Variants in DCLK2 observed in about 807,000 individuals in gnomAD.
DCLK2 encodes doublecortin like kinase 2.
Under a neutral mutation model 78.4 loss-of-function variants are expected in DCLK2, and 31 were observed. The observed-to-expected ratio is 0.40, with a 90% CI of 0.30 to 0.53. The LOEUF (loss-of-function observed/expected upper bound fraction) is 0.53. Among genes scored for constraint, DCLK2 ranks in the 20% least tolerant of loss-of-function variants. The pLI is 0.61. For missense variants in DCLK2, 872 were observed against 973.7 expected (o/e 0.90, Z 1.39); for synonymous variants, 407 against 374.9 (o/e 1.09, Z -0.99).
At chr4:150,206,455 A>G (rs1739848021) in intron 5 of DCLK2, among the ~76,000 whole-genome samples, 1 of 152,030 alleles carries the variant, frequency 6.6e-6, no homozygotes, top group East Asian at 1.9e-4. Flanking sequence ...AGTAAGACAA[A>G]GAACAGTTGT....
intron 1 of DCLK2, among the ~76,000 whole-genome samples, chr4:150,094,880 A>G (rs1196864413): frequency 6.6e-6 from 1 of 152,148 alleles, no homozygotes; most frequent in African/African-American, 2.4e-5. Flanking sequence ...TCATTTGTGA[A>G]ATCAAAACAC....
chr4:150,203,707 A>G (rs1739625776), intron 4 of DCLK2, 88 bp from the exon 5 acceptor site: 1 of 1,026,860 alleles, frequency 9.7e-7, no homozygotes, highest in African/African-American at 1.6e-5. Context: ...CATTGGACCT[A>G]TATTGTGCAT....
chr4:150,093,017 A>G (rs1186567440), intron 1 of DCLK2, among the ~76,000 whole-genome samples: 2 of 152,242 alleles, frequency 1.3e-5, no homozygotes, highest in African/African-American at 2.4e-5. Flanking sequence ...TGCAGAAGAC[A>G]TGATCTTATA....
chr4:150,192,478 C>G (rs866410891), intron 2 of DCLK2, among the ~76,000 whole-genome samples: 5 of 112,548 alleles, frequency 4.4e-5, no homozygotes, highest in Admixed American at 2.0e-4. Context: ...GATTGCGTCT[C>G]AAAAAAAAAA....
intron 2 of DCLK2, among the ~76,000 whole-genome samples, chr4:150,168,210 G>A (rs943598694): frequency 6.6e-6 from 1 of 152,124 alleles, no homozygotes; most frequent in African/African-American, 2.4e-5. Flanking sequence ...GGGCGTGGTG[G>A]CAGGCGCCTG....
chr4:150,252,295 T>C (rs1334652883), intron 15 of DCLK2, among the ~76,000 whole-genome samples: 1 of 152,202 alleles, frequency 6.6e-6, no homozygotes, highest in East Asian at 1.9e-4. Flanking sequence ...CATTAAAAAT[T>C]GGCATACTCA....
intron 1 of DCLK2, among the ~76,000 whole-genome samples, chr4:150,090,106 C>A (rs1560762127): frequency 1.3e-5 from 2 of 152,142 alleles, no homozygotes; most frequent in Non-Finnish European, 2.9e-5. Context: ...GTTTTATCAT[C>A]AAAATAAACG....
At chr4:150,086,178 G>A (rs1029848557) in intron 1 of DCLK2, among the ~76,000 whole-genome samples, 12 of 152,120 alleles carry the variant, frequency 7.9e-5, no homozygotes, top group Non-Finnish European at 1.8e-4. Flanking sequence ...CTTCTGGCAC[G>A]TGGTGTTTTT....
chr4:150,254,596 G>A (rs1744429489), intron 15 of DCLK2, among the ~76,000 whole-genome samples: 1 of 152,192 alleles, frequency 6.6e-6, no homozygotes, highest in African/African-American at 2.4e-5. Context: ...TGCTTCCCAT[G>A]TAGGTGGGAG....
At chr4:150,255,114 A>G (rs1744465383) in intron 15 of DCLK2, among the ~76,000 whole-genome samples, 1 of 152,172 alleles carries the variant, frequency 6.6e-6, no homozygotes, top group Non-Finnish European at 1.5e-5. Flanking sequence ...TATTTTCTCC[A>G]GACTTTTTTT....
chr4:150,091,515 G>T (rs557577410), intron 1 of DCLK2, among the ~76,000 whole-genome samples: 4 of 152,138 alleles, frequency 2.6e-5, no homozygotes, highest in South Asian at 4.1e-4. Flanking sequence ...ATTAAGTTCA[G>T]TGCTTGCTTC....
intron 15 of DCLK2, among the ~76,000 whole-genome samples, chr4:150,250,077 C>T (rs1331913036): frequency 6.6e-6 from 1 of 152,112 alleles, no homozygotes; most frequent in Non-Finnish European, 1.5e-5. Flanking sequence ...GTGAATTATT[C>T]TTTGAGACTT....
intron 1 of DCLK2, among the ~76,000 whole-genome samples, chr4:150,086,167 G>T (rs895111869): frequency 6.6e-6 from 1 of 152,162 alleles, no homozygotes; most frequent in Non-Finnish European, 1.5e-5. Context: ...TGAAACAAAT[G>T]CTTCTGGCAC....
intron 2 of DCLK2, among the ~76,000 whole-genome samples, chr4:150,166,885 C>T (rs1736127658): frequency 1.3e-5 from 2 of 152,098 alleles, no homozygotes; most frequent in South Asian, 4.1e-4. Flanking sequence ...TGGCAGGGAG[C>T]CTTGCCTCCT....
intron 2 of DCLK2, among the ~76,000 whole-genome samples, chr4:150,106,928 T>G (rs929507334): frequency 6.6e-6 from 1 of 152,240 alleles, no homozygotes; most frequent in Non-Finnish European, 1.5e-5. Flanking sequence ...TATTTAGGAC[T>G]TTGTCTGTAT....
At chr4:150,105,764 G>T (rs1283916100) in intron 2 of DCLK2, among the ~76,000 whole-genome samples, 1 of 152,004 alleles carries the variant, frequency 6.6e-6, no homozygotes, top group East Asian at 1.9e-4. Context: ...TATGTTTGGA[G>T]TAATATTTAA....
intron 12 of DCLK2, among the ~76,000 whole-genome samples, chr4:150,242,757 TTGA>T (rs1743020344): frequency 6.6e-6 from 1 of 152,224 alleles, no homozygotes; most frequent in Non-Finnish European, 1.5e-5. Flanking sequence ...CACCTCACAC[TTGA>T]TGTGCCGTTA....
intron 2 of DCLK2, among the ~76,000 whole-genome samples, chr4:150,152,344 C>T (rs1440095541): frequency 3.3e-5 from 5 of 152,186 alleles, no homozygotes; most frequent in African/African-American, 9.6e-5. Context: ...TGCAGTGGCA[C>T]GATCTTGGCT....
rs1454035697 is a variant in DCLK2, at chr4:150,175,011, A to AAAAAATATATATAT, written c.757-18126_757-18125insAAAATATATATATA. Among the ~76,000 whole-genome samples, 75 of 9,976 alleles carry AAAAAATATATATAT rather than the reference A, an allele frequency of 7.5e-3. 22 individuals are homozygous for AAAAAATATATATAT. The highest frequency in any genetic ancestry group is 0.049 in the Admixed American group (22 of 446). 6.5% of individuals were successfully genotyped at this position (9,976 alleles called of 152,430 possible). A position where few individuals can be genotyped will look rare whatever the true frequency, so the allele number is the denominator to read the frequency against. ...AGACTCCGTCGCAAAAAAAAAAAAA[A>AAAAAATATATATAT]ATATATATATATATATATATATTTA... On this transcript the variant is annotated intron_variant, in intron 2 of 15. Transcript: ENST00000296550.
Sources: gnomAD v4.1 joint callset for allele counts (sites outside exome capture counted in the v4.1 genomes callset) on GRCh38, gnomAD v4.1.1 for gene constraint, MANE v1.5 for transcripts, NCBI Gene and HGNC (gene_info 2026-07-23, HGNC 2026-07-21) for gene names.